Variants in AP2B1 observed in about 807,000 individuals in gnomAD.
AP2B1 encodes the protein AP-2 complex subunit beta.
AP2B1 carries 23 observed loss-of-function variants against 102.0 expected under a neutral mutation model. That is an observed-to-expected ratio of 0.23 (90% CI 0.16 to 0.32). AP2B1 has a LOEUF of 0.32. Among genes scored for constraint, AP2B1 ranks in the 10% least tolerant of loss-of-function variants. The probability of loss-of-function intolerance (pLI) is 1.00; values close to 1 mark genes in which losing one functional copy is unlikely to be tolerated. For missense variants in AP2B1, 541 were observed against 1,157.4 expected (o/e 0.47, Z 7.73); for synonymous variants, 381 against 421.2 (o/e 0.90, Z 1.17).
intron 10 of AP2B1, 73 bp downstream of exon 10, chr17:35,636,529 G>A (rs2074611301): frequency 9.0e-7 from 1 of 1,112,792 alleles, no homozygotes; most frequent in Admixed American, 1.9e-5. Context: ...AAATTGCCTA[G>A]GTAAGAATTA....
Position 35,725,275 on chromosome 17 carries a change from A to G in AP2B1, c.*1576A>G, listed in dbSNP as rs1327873604. On this transcript the variant is annotated 3_prime_UTR_variant, in exon 22 of 22. Coordinates refer to ENST00000610402, the MANE Select transcript of AP2B1 (RefSeq NM_001030006.2). Reference sequence around the variant, plus strand: ...GCGGGCACTTGTTGCATTGCCTGGCACCCAATATTCAGGGTCCATGACTAA... The same window carrying G: ...GCGGGCACTTGTTGCATTGCCTGGCGCCCAATATTCAGGGTCCATGACTAA... 2 of 152,174 alleles carry G rather than the reference A, an allele frequency of 1.3e-5. No individual in the cohort carries two copies. Among genetic ancestry groups the G allele is most frequent in the Non-Finnish European group, 2.9e-5 (2 of 68,048 alleles). The allele number at this position is 152,174 out of a possible 1,614,324, so 9.4% of individuals were successfully genotyped here.
intron 13 of AP2B1, among the ~76,000 whole-genome samples, chr17:35,656,765 G>A (rs917845754): frequency 6.6e-6 from 1 of 151,828 alleles, no homozygotes; most frequent in African/African-American, 2.4e-5. Context: ...GGCGCCTGTA[G>A]TCCCAACTAC....
chr17:35,711,814 T>C (rs1259312130), intron 20 of AP2B1, among the ~76,000 whole-genome samples: 1 of 152,196 alleles, frequency 6.6e-6, no homozygotes, highest in Non-Finnish European at 1.5e-5. Flanking sequence ...GTAATATTCA[T>C]CTTCTGTGTT....
At chr17:35,626,506 A>T in intron 6 of AP2B1, 115 bp from the exon 7 acceptor site, 1 of 889,602 alleles carries the variant, frequency 1.1e-6, no homozygotes, top group Admixed American at 2.7e-5. Flanking sequence ...GACTTTTCTA[A>T]CTAATTCTTT....
chr17:35,636,263 T>G, intron 9 of AP2B1, 78 bp from the exon 10 acceptor site: 1 of 965,372 alleles, frequency 1.0e-6, no homozygotes, highest in Non-Finnish European at 1.6e-6. Context: ...TGCACCTGCA[T>G]GTTTCAAAAT....
At chr17:35,671,643 A>G in intron 15 of AP2B1, 111 bp from the exon 16 acceptor site, 1 of 1,045,432 alleles carries the variant, frequency 9.6e-7, no homozygotes, top group Non-Finnish European at 1.4e-6. Flanking sequence ...TATTGTAATT[A>G]TGGTGTTTTC....
intron 15 of AP2B1, 127 bp downstream of exon 15, chr17:35,671,025 A>G (rs1295204683): frequency 3.3e-6 from 3 of 915,526 alleles, no homozygotes; most frequent in African/African-American, 3.3e-5. Flanking sequence ...CTATAACAGT[A>G]TATGGGTAGT....
chr17:35,697,721 G>A (rs1379450244), intron 18 of AP2B1, among the ~76,000 whole-genome samples: 1 of 152,228 alleles, frequency 6.6e-6, no homozygotes, highest in Non-Finnish European at 1.5e-5. Context: ...CCAGCACTTT[G>A]GGAGGCTGAG....
intron 5 of AP2B1, among the ~76,000 whole-genome samples, chr17:35,612,189 T>C (rs969184600): frequency 1.6e-4 from 25 of 152,212 alleles, no homozygotes; most frequent in Admixed American, 1.6e-3. Context: ...TTTCTGATAT[T>C]GTTTGACTTA....
Position 35,674,267 on chromosome 17 carries a change from C to T in AP2B1, c.2270C>T (p.Thr757Ile). ...CACATCTATATGGAAATGAACTTCA[C>T]CAATAAAGCTCTGCAGCACATGACA... ...QGHIYMEMNFTNKALQHMTDF... is the reference protein window; with the variant it reads ...QGHIYMEMNFINKALQHMTDF... The change falls in exon 17 of 22, where the codon ACC becomes ATC. Residue 757 changes from threonine (T) to isoleucine (I), a missense_variant. Physicochemically the swap from Thr to Ile is moderately conservative, Grantham distance 89. Transcript: ENST00000610402. 1 of 1,614,136 alleles carries T rather than the reference C, an allele frequency of 6.2e-7. No homozygotes were observed. The highest frequency in any genetic ancestry group is 2.2e-5 in the East Asian group (1 of 44,882).
chr17:35,708,944 G>GA (rs1219682441), intron 18 of AP2B1, among the ~76,000 whole-genome samples: 1 of 152,056 alleles, frequency 6.6e-6, no homozygotes, highest in Non-Finnish European at 1.5e-5. Context: ...TAATCATAGA[G>GA]AAAAAAATCA....
At chr17:35,618,407 G>T (rs1239984246) in intron 5 of AP2B1, among the ~76,000 whole-genome samples, 1 of 152,180 alleles carries the variant, frequency 6.6e-6, no homozygotes, top group Non-Finnish European at 1.5e-5. Context: ...CAAGTCTTCA[G>T]GGATACCAGC....
At chr17:35,650,888 A>G (rs1250824805) in intron 13 of AP2B1, 99 bp downstream of exon 13, 5 of 1,411,116 alleles carry the variant, frequency 3.5e-6, no homozygotes, top group Admixed American at 4.3e-5. Context: ...ACTGCTGTAC[A>G]TTTTTGCTTC....
intron 14 of AP2B1, among the ~76,000 whole-genome samples, chr17:35,666,403 A>G (rs1421766539): frequency 6.6e-6 from 1 of 152,194 alleles, no homozygotes; most frequent in East Asian, 1.9e-4. Flanking sequence ...GACTACAGCA[A>G]TTATGGGGGA....
intron 20 of AP2B1, among the ~76,000 whole-genome samples, chr17:35,716,049 G>A (rs1314419538): frequency 3.3e-5 from 5 of 152,138 alleles, no homozygotes; most frequent in Admixed American, 2.6e-4. Flanking sequence ...CTGTTGTATT[G>A]CAGATAACGT....
rs142781258 is a variant in AP2B1 at position 35,673,629 on chromosome 17, A to G, written c.2179-547A>G. Among the ~76,000 whole-genome samples, 35 of 152,350 alleles carry G rather than the reference A, an allele frequency of 2.3e-4. 1 individual carries two copies. The East Asian group carries it at 6.2e-3, about 27-fold the overall frequency. On this transcript the variant is annotated intron_variant, in intron 16 of 21. Coordinates refer to ENST00000610402, the MANE Select transcript of AP2B1 (RefSeq NM_001030006.2). ...TATGAGCAATATCTGAGTATTTACTATTTACCACAAACTATAGCAAGAGTT... is the reference window on the plus strand; with the variant it reads ...TATGAGCAATATCTGAGTATTTACTGTTTACCACAAACTATAGCAAGAGTT...
intron 15 of AP2B1, among the ~76,000 whole-genome samples, chr17:35,671,497 T>C (rs937430817): frequency 1.3e-5 from 2 of 152,166 alleles, no homozygotes; most frequent in African/African-American, 2.4e-5. Context: ...ATACAAAATC[T>C]TGGATCACTG....
intron 5 of AP2B1, among the ~76,000 whole-genome samples, chr17:35,609,348 A>AT (rs71366466): frequency 0.24 from 33,310 of 139,368 alleles, 4,421 homozygotes; most frequent in African/African-American, 0.34. Flanking sequence ...CATCCCGCTA[A>AT]TTTTTTTTTT....
At chr17:35,673,658 A>C (rs1193101317) in intron 16 of AP2B1, among the ~76,000 whole-genome samples, 1 of 152,184 alleles carries the variant, frequency 6.6e-6, no homozygotes, top group Non-Finnish European at 1.5e-5. Context: ...AAGAGTTAAA[A>C]ACGTATATAA....
Sources: gnomAD v4.1 joint callset for allele counts (sites outside exome capture counted in the v4.1 genomes callset) on GRCh38, gnomAD v4.1.1 for gene constraint, MANE v1.5 for transcripts, NCBI Gene and HGNC (gene_info 2026-07-23, HGNC 2026-07-21) for gene names.